Variants in ZNRF3 observed in about 807,000 individuals in gnomAD.
The protein encoded by ZNRF3 is zinc and ring finger 3.
Under a neutral mutation model 72.5 loss-of-function variants are expected in ZNRF3, and 23 were observed. The observed-to-expected ratio is 0.32, with a 90% CI of 0.23 to 0.45. The LOEUF is 0.45. ZNRF3 is among the 20% of genes least tolerant of loss of function. The probability of loss-of-function intolerance (pLI) is 1.00; values close to 1 mark genes in which losing one functional copy is unlikely to be tolerated. For synonymous variants in ZNRF3, 610 were observed against 545.3 expected (o/e 1.12, Z -1.65); for missense variants, 1,169 against 1,272.1 (o/e 0.92, Z 1.23).
At chr22:28,998,155 C>T (rs760216840) in intron 2 of ZNRF3, among the ~76,000 whole-genome samples, 9 of 151,518 alleles carry the variant, frequency 5.9e-5, no homozygotes, top group South Asian at 4.2e-4. Flanking sequence ...ATAAATTAGC[C>T]GGGCATGGTG....
intron 1 of ZNRF3, among the ~76,000 whole-genome samples, chr22:28,970,236 A>T (rs2035544242): frequency 6.6e-6 from 1 of 152,222 alleles, no homozygotes; most frequent in African/African-American, 2.4e-5. Flanking sequence ...TACAAAGAAG[A>T]GATAGGGATG....
At chr22:29,008,307 C>T (rs567968665) in intron 2 of ZNRF3, among the ~76,000 whole-genome samples, 2 of 152,266 alleles carry the variant, frequency 1.3e-5, no homozygotes, top group South Asian at 2.1e-4. Flanking sequence ...GCTGTGGATT[C>T]CCCCGAGGAA....
chr22:28,940,292 G>A (rs1354700562), intron 1 of ZNRF3, among the ~76,000 whole-genome samples: 7 of 152,196 alleles, frequency 4.6e-5, no homozygotes, highest in African/African-American at 1.2e-4. Flanking sequence ...TTCTGAGTTC[G>A]TCCTAGAAAG....
At chr22:29,033,160 G>A (rs2036794140) in intron 2 of ZNRF3, among the ~76,000 whole-genome samples, 1 of 152,142 alleles carries the variant, frequency 6.6e-6, no homozygotes, top group South Asian at 2.1e-4. Context: ...GACCAGCCTG[G>A]CCAACATGGC....
In ZNRF3 at chr22:28,899,689, C is replaced by CT. The variant is rs200411431; in HGVS notation, c.300+15626dup. 9.4e-3 allele frequency among the ~76,000 whole-genome samples: 1,326 copies of CT among 140,690 alleles called. 29 individuals carry two copies. The highest frequency in any genetic ancestry group is 0.039 in the East Asian group (192 of 4,934). 92.3% of individuals were successfully genotyped at this position (140,690 alleles called of 152,430 possible). A position where few individuals can be genotyped will look rare whatever the true frequency, so the allele number is the denominator to read the frequency against. On this transcript the variant is annotated intron_variant, in intron 1 of 8. Transcript: ENST00000544604. ...ATTTTCTTTCTTTTCTTCTTTCTTT[C>CT]TTTCTTTTTTTTTTTTTTTTAAGAC... is the stretch of plus-strand genomic sequence containing the variant.
intron 1 of ZNRF3, among the ~76,000 whole-genome samples, chr22:28,944,754 CAAAAA>C (rs35578297): frequency 1.1e-5 from 1 of 88,240 alleles, no homozygotes; most frequent in African/African-American, 4.5e-5. Context: ...GACTCCATCT[CAAAAA>C]AAAAAAAAAA....
intron 1 of ZNRF3, among the ~76,000 whole-genome samples, chr22:28,913,438 T>C (rs899127882): frequency 6.6e-6 from 1 of 151,496 alleles, no homozygotes. Context: ...CAGTATTAGG[T>C]TAGTTTAGGG....
intron 1 of ZNRF3, among the ~76,000 whole-genome samples, chr22:28,955,031 T>TG (rs1555973644): frequency 3.1e-4 from 29 of 92,840 alleles, no homozygotes; most frequent in Admixed American, 4.0e-4. Flanking sequence ...GTATTTTTGG[T>TG]GTTTTTTTTT....
intron 2 of ZNRF3, among the ~76,000 whole-genome samples, chr22:28,997,507 T>G (rs2036063831): frequency 1.3e-5 from 2 of 152,040 alleles, no homozygotes; most frequent in Non-Finnish European, 2.9e-5. Flanking sequence ...AGGTTCCTGG[T>G]AGCCTTTGTG....
chr22:28,970,808 T>G (rs2035559781), intron 1 of ZNRF3, among the ~76,000 whole-genome samples: 3 of 152,180 alleles, frequency 2.0e-5, no homozygotes, highest in South Asian at 4.1e-4. Flanking sequence ...CCAGAAAATA[T>G]AAACCAACTT....
In ZNRF3 at chr22:29,050,198, C is replaced by A. The variant is rs754501877; in HGVS notation, c.2017C>A (p.Leu673Met). ...LEMNYSSNSS[L>M]EHRGPNSSTS... Reference sequence around the variant, plus strand: ...GATGAACTACAGCAGCAACTCCTCCCTGGAGCACAGGGGGCCCAATAGCTC... The same window carrying A: ...GATGAACTACAGCAGCAACTCCTCCATGGAGCACAGGGGGCCCAATAGCTC... Residue 673 changes from leucine to methionine, a missense_variant, in exon 8 of 9, where the codon CTG (leucine) becomes ATG (methionine). Transcript: ENST00000544604. The A allele has an allele frequency of 6.2e-7, 1 of 1,601,184 alleles. No individual in the cohort carries two copies. The highest frequency in any genetic ancestry group is 1.7e-5 in the Admixed American group (1 of 60,016).
At chr22:28,927,585 C>CTGTGTGTGTTTGTA (rs971109446) in intron 1 of ZNRF3, among the ~76,000 whole-genome samples, 3 of 152,084 alleles carry the variant, frequency 2.0e-5, no homozygotes, top group Non-Finnish European at 2.9e-5. Context: ...ATATGTGATT[C>CTGTGTGTGTTTGTA]TGTGTGTGTT....
chr22:28,964,976 C>G (rs1601608797), intron 1 of ZNRF3, among the ~76,000 whole-genome samples: 1 of 152,126 alleles, frequency 6.6e-6, no homozygotes, highest in Non-Finnish European at 1.5e-5. Context: ...CTTGCCTTGT[C>G]TCGTATGCTT....
rs548681605 is a variant in ZNRF3 at position 29,050,143 on chromosome 22, G to A, written c.1962G>A (p.Ser654=). ...GEPWPGPASP[S]GDQVSTCSLE... is the part of the protein sequence containing the mutation. ...CTTGGCCGGGCCCTGCCTCTCCCTC[G>A]GGGGATCAGGTGTCCACCTGCAGCC... The change falls in exon 8 of 9, where the codon TCG becomes TCA. Residue 654 remains serine, a synonymous_variant. Coordinates refer to ENST00000544604, the MANE Select transcript of ZNRF3 (RefSeq NM_001206998.2). 9.3e-6 allele frequency: 15 copies of A among 1,604,976 alleles called. No homozygotes were observed. Among genetic ancestry groups the A allele is most frequent in the African/African-American group, 2.7e-5 (2 of 74,908 alleles).
Position 29,050,592 on chromosome 22 carries a change from T to G in ZNRF3, c.2411T>G (p.Val804Gly). The change falls in exon 8 of 9, where the codon GTG (valine) becomes GGG (glycine). Residue 804 changes from valine (V) to glycine (G), a missense_variant. By Grantham distance (109) the Val-to-Gly change is moderately radical. This residue lies in a region of ZNRF3 where 783 missense variants were observed against 731.4 expected (regional missense o/e 1.07). Coordinates refer to ENST00000544604, the MANE Select transcript of ZNRF3 (RefSeq NM_001206998.2). ...GSGCYTEDYS[V>G]SVQYTLTEEP... ...GGCTGCTACACTGAGGACTACTCGGTGAGTGTGCAGTACACGCTCACCGAG... is the reference window on the plus strand; with the variant it reads ...GGCTGCTACACTGAGGACTACTCGGGGAGTGTGCAGTACACGCTCACCGAG... The G allele has an allele frequency of 6.2e-7, 1 of 1,608,444 alleles. No homozygotes were observed. The highest frequency in any genetic ancestry group is 1.1e-5 in the South Asian group (1 of 90,630).
chr22:29,036,052 T>C (rs1601695956), intron 2 of ZNRF3, among the ~76,000 whole-genome samples: 2 of 152,308 alleles, frequency 1.3e-5, no homozygotes, highest in East Asian at 3.9e-4. Flanking sequence ...CATTTTATTC[T>C]TGCCAATATG....
chr22:28,972,975 C>T (rs1284230460), intron 1 of ZNRF3, among the ~76,000 whole-genome samples: 1 of 152,058 alleles, frequency 6.6e-6, no homozygotes, highest in Non-Finnish European at 1.5e-5. Flanking sequence ...GGGTTTTATA[C>T]CTTTAAATTA....
chr22:28,913,531 C>A (rs557035497), intron 1 of ZNRF3, among the ~76,000 whole-genome samples: 26 of 152,138 alleles, frequency 1.7e-4, no homozygotes, highest in African/African-American at 6.0e-4. Flanking sequence ...TCCACAGGGC[C>A]CTGGGATAGA....
At chr22:29,037,217 C>T (rs943931387) in intron 2 of ZNRF3, among the ~76,000 whole-genome samples, 12 of 152,136 alleles carry the variant, frequency 7.9e-5, no homozygotes, top group African/African-American at 1.9e-4. Flanking sequence ...ATAGAGATGG[C>T]GGTAGGTCCA....
Sources: gnomAD v4.1 joint callset for allele counts (sites outside exome capture counted in the v4.1 genomes callset) on GRCh38, gnomAD v4.1.1 for gene constraint, gnomAD v4.1.1 regional missense constraint, MANE v1.5 for transcripts, NCBI Gene and HGNC (gene_info 2026-07-23, HGNC 2026-07-21) for gene names.